Variants in EP400 observed in about 807,000 individuals in gnomAD.
The protein encoded by EP400 is E1A-binding protein p400.
In EP400, 105 loss-of-function variants were observed where a neutral mutation model predicts 354.1. That is an observed-to-expected ratio of 0.30 (90% confidence interval 0.25 to 0.35). The LOEUF is 0.35. EP400 is among the 10% of genes least tolerant of loss of function. EP400 has a pLI of 1.00. For missense variants in EP400, 3,280 were observed against 4,121.0 expected (o/e 0.80, Z 5.59); for synonymous variants, 1,646 against 1,716.9 (o/e 0.96, Z 1.02).
At chr12:131,974,340 T>G (rs1438705675) in intron 2 of EP400, among the ~76,000 whole-genome samples, 1 of 152,168 alleles carries the variant, frequency 6.6e-6, no homozygotes, top group Admixed American at 6.6e-5. Flanking sequence ...GGTCTTGAAC[T>G]CTTGGGCTCA....
chr12:132,064,532 G>A, intron 47 of EP400, 136 bp from the exon 48 acceptor site: 1 of 1,195,278 alleles, frequency 8.4e-7, no homozygotes, highest in Non-Finnish European at 1.1e-6. Flanking sequence ...ATGGAAGGCG[G>A]TCTGGATGCT....
At chr12:131,950,758 A>G (rs1052160605) in intron 1 of EP400, among the ~76,000 whole-genome samples, 1 of 152,178 alleles carries the variant, frequency 6.6e-6, no homozygotes, top group African/African-American at 2.4e-5. Flanking sequence ...GTGCTTTATT[A>G]GTAATTACTT....
chr12:132,030,305 C>T, intron 29 of EP400, 147 bp downstream of exon 29: 1 of 944,524 alleles, frequency 1.1e-6, no homozygotes. Flanking sequence ...AAGTCTCAAT[C>T]CATCCTTCGA....
chr12:132,050,679 T>C lies in EP400; in HGVS notation c.7394+24T>C. 2 of 1,613,988 alleles carry C rather than the reference T, an allele frequency of 1.2e-6. No individual in the cohort carries two copies. The highest frequency in any genetic ancestry group is 1.7e-6 in the Non-Finnish European group (2 of 1,179,846). ...AGGTATTTCTCTATTCGTGACACAT[T>C]TGTTACTGTTTGGAAGGATTTCATT... On this transcript the variant is annotated intron_variant, in intron 41 of 52. Coordinates refer to ENST00000389561, the MANE Select transcript of EP400 (RefSeq NM_015409.5). The surrounding 1 kb of genome is among the most constrained non-coding windows in gnomAD (Gnocchi z 4.8).
intron 1 of EP400, among the ~76,000 whole-genome samples, chr12:131,955,208 C>A (rs1043463400): frequency 2.0e-5 from 3 of 152,100 alleles, no homozygotes; most frequent in African/African-American, 4.8e-5. Flanking sequence ...GTCTTTGTTT[C>A]TCTAATGTGG....
intron 29 of EP400, among the ~76,000 whole-genome samples, chr12:132,031,520 C>G (rs564334226): frequency 5.3e-5 from 8 of 152,278 alleles, no homozygotes; most frequent in Admixed American, 3.9e-4. Context: ...TTAACATGAG[C>G]CTCGTGTTGA....
intron 12 of EP400, among the ~76,000 whole-genome samples, chr12:131,995,253 A>G (rs1376439767): frequency 1.1e-4 from 17 of 151,792 alleles, no homozygotes; most frequent in Admixed American, 1.1e-3. Context: ...CCACAGCTTG[A>G]CTGAATGTGC....
intron 3 of EP400, among the ~76,000 whole-genome samples, chr12:131,980,368 A>G (rs963671869): frequency 6.6e-6 from 1 of 152,200 alleles, no homozygotes; most frequent in African/African-American, 2.4e-5. Context: ...TGAAGAGGCC[A>G]TCTCTCCAGG....
chr12:132,045,000 C>T (rs1895038779), intron 37 of EP400, 47 bp downstream of exon 37: 1 of 1,604,148 alleles, frequency 6.2e-7, no homozygotes, highest in Non-Finnish European at 8.5e-7. Context: ...CCCTGGCCTG[C>T]AGAATCCCTG....
rs1895262036 is a variant in EP400 at position 132,050,812 on chromosome 12, T to C, written c.7394+157T>C. ...AGAACCTGCAGGAGAGAGGTGCTTT[T>C]CCTGCCGTGGGCTAGGGTATGCATA... On this transcript the variant is annotated intron_variant, in intron 41 of 52. Coordinates refer to ENST00000389561, the MANE Select transcript of EP400 (RefSeq NM_015409.5). The surrounding 1 kb of genome is among the most constrained non-coding windows in gnomAD (Gnocchi z 4.8). The C allele has an allele frequency of 4.6e-6, 4 of 864,768 alleles. No homozygotes were observed. Among genetic ancestry groups the C allele is most frequent in the East Asian group, 5.1e-5 (2 of 39,438 alleles). The allele number at this position is 864,768 out of a possible 1,614,324, so 53.6% of individuals were successfully genotyped here.
intron 2 of EP400, among the ~76,000 whole-genome samples, chr12:131,977,282 ACCCGTCAC>A (rs1892514527): frequency 6.7e-6 from 1 of 148,264 alleles, no homozygotes; most frequent in African/African-American, 2.5e-5. Flanking sequence ...GACTACAGGC[ACCCGTCAC>A]CGCGTCTGAC....
chr12:131,995,201 C>T (rs773557066), intron 12 of EP400, among the ~76,000 whole-genome samples: 2 of 152,206 alleles, frequency 1.3e-5, no homozygotes, highest in East Asian at 1.9e-4. Context: ...CTGAATGTAC[C>T]GTTCATCTTG....
rs1390054376 is a variant in EP400, at chr12:131,974,175, C to T, written c.1336-5519C>T. ...TGTATTTTTAGTAGAGATGGGGTTT[C>T]ACCACGTTGGCCAGCATGGTCTCGA... On this transcript the variant is annotated intron_variant, in intron 2 of 52. Coordinates refer to ENST00000389561, the MANE Select transcript of EP400 (RefSeq NM_015409.5). Among the ~76,000 whole-genome samples, 3 of 152,016 alleles carry T rather than the reference C, an allele frequency of 2.0e-5. No individual in the cohort carries two copies. In the East Asian group the frequency reaches 5.8e-4, roughly 29 times the overall value.
intron 45 of EP400, among the ~76,000 whole-genome samples, chr12:132,059,737 G>A (rs1895625139): frequency 6.6e-6 from 1 of 152,194 alleles, no homozygotes; most frequent in Admixed American, 6.5e-5. Context: ...CTTTCAGGCT[G>A]GGCGTGGTGT....
In EP400 at chr12:132,054,902, G is replaced by A; in HGVS notation, c.7729-72G>A. ...GTTTGGATTTGATTCTGAATGAAGT[G>A]GAAGCCTTTGGAGGATTTATGCAGG... is the stretch of plus-strand genomic sequence containing the variant. On this transcript the variant is annotated intron_variant, in intron 43 of 52. Transcript: ENST00000389561. This position sits in a 1 kb window ranked among gnomAD's most constrained non-coding sequence, Gnocchi z 4.0. The A allele has an allele frequency of 6.8e-7, 1 of 1,466,506 alleles. No individual in the cohort carries two copies. The highest frequency in any genetic ancestry group is 9.5e-7 in the Non-Finnish European group (1 of 1,049,060). The allele number at this position is 1,466,506 out of a possible 1,614,324, so 90.8% of individuals were successfully genotyped here. A position where few individuals can be genotyped will look rare whatever the true frequency, so the allele number is the denominator to read the frequency against.
intron 2 of EP400, among the ~76,000 whole-genome samples, chr12:131,978,029 TA>T (rs1892542494): frequency 6.6e-6 from 1 of 152,214 alleles, no homozygotes; most frequent in South Asian, 2.1e-4. Context: ...ATTAAGTCCT[TA>T]GCATTTACTT....
intron 30 of EP400, among the ~76,000 whole-genome samples, chr12:132,033,850 A>G (rs1036434147): frequency 6.6e-6 from 1 of 152,224 alleles, no homozygotes; most frequent in Non-Finnish European, 1.5e-5. Flanking sequence ...GTTTTTTAAC[A>G]AGATGGTTGG....
At chr12:132,062,773 C>G in intron 47 of EP400, 72 bp downstream of exon 47, 1 of 1,575,776 alleles carries the variant, frequency 6.3e-7, no homozygotes, top group African/African-American at 1.3e-5. Flanking sequence ...TGAGACGGTG[C>G]CTGCTTGCAT....
At chr12:131,989,915 C>T in intron 7 of EP400, 49 bp from the exon 8 acceptor site, 2 of 1,579,660 alleles carry the variant, frequency 1.3e-6, no homozygotes, top group Non-Finnish European at 8.5e-7. Flanking sequence ...CTTTTTTTTC[C>T]AGCATGACAT....
Sources: gnomAD v4.1 joint callset for allele counts (sites outside exome capture counted in the v4.1 genomes callset) on GRCh38, gnomAD v4.1.1 for gene constraint, Gnocchi (gnomAD v3.1) non-coding constraint, MANE v1.5 for transcripts, NCBI Gene and HGNC (gene_info 2026-07-23, HGNC 2026-07-21) for gene names.